TMEM200C: variants seen among roughly 807,000 people sequenced by gnomAD.
The protein encoded by TMEM200C is transmembrane protein 200C.
For missense variants in TMEM200C, 966 were observed against 699.9 expected (o/e 1.38, Z -4.29); for synonymous variants, 462 against 324.7 (o/e 1.42, Z -4.55).
chr18:5,892,624 T>C (rs573529617), intron 2 of TMEM200C, among the ~76,000 whole-genome samples: 2 of 152,272 alleles, frequency 1.3e-5, no homozygotes, highest in East Asian at 3.9e-4. Context: ...GTTTCAAGTC[T>C]CTCTAAGCTG....
In TMEM200C at chr18:5,891,608, G is replaced by C. The variant is rs371195075; in HGVS notation, c.456C>G (p.Phe152Leu). 2 of 1,613,778 alleles carry C rather than the reference G, an allele frequency of 1.2e-6. No individual in the cohort carries two copies. Among genetic ancestry groups the C allele is most frequent in the African/African-American group, 1.3e-5 (1 of 74,934 alleles). ...GCAGGTAGCCAGAGAAGATGCGGAA[G>C]AAGAAGCCCACGGACGTGGAGGAGG... The change falls in exon 3 of 3, where the codon TTC (phenylalanine) becomes TTG (leucine). Residue 152 changes from phenylalanine to leucine, a missense_variant. Phe to Leu is a conservative substitution (Grantham distance 22). Coordinates refer to ENST00000581347, the Ensembl canonical transcript of TMEM200C. The surrounding 1 kb of genome is among the most constrained non-coding windows in gnomAD (Gnocchi z 4.7).
At chr18:5,894,808 T>C (rs1355407914) in intron 2 of TMEM200C, among the ~76,000 whole-genome samples, 1 of 152,194 alleles carries the variant, frequency 6.6e-6, no homozygotes, top group Non-Finnish European at 1.5e-5. Context: ...AGTCCGCCTC[T>C]GGAAAGAAGA....
At chr18:5,890,873 C>T (rs1309061645) in exon 3 of TMEM200C, 2 of 682,676 alleles carry the variant, frequency 2.9e-6, no homozygotes, top group East Asian at 2.9e-5. Flanking sequence ...AGCTGCAGCT[C>T]GCGCCCTCCG....
chr18:5,895,688 G>A lies in TMEM200C; in HGVS notation c.-546+167C>T, dbSNP rs1426535861. On this transcript the variant is annotated intron_variant, in intron 1 of 2. Transcript: ENST00000581347. ...CCTTCGGAAGCGCCGATTCCTCGGG[G>A]AGGAGGAGGCGTGAGGGGAGGCGGC... Among the ~76,000 whole-genome samples, 3 of 150,346 alleles carry A rather than the reference G, an allele frequency of 2.0e-5. No individual in the cohort carries two copies. In the East Asian group the frequency reaches 6.0e-4, roughly 30 times the overall value.
chr18:5,890,823 G>A (rs984792587), exon 3 of TMEM200C: 2 of 674,322 alleles, frequency 3.0e-6, no homozygotes, highest in South Asian at 1.5e-5. Flanking sequence ...CTCGCCCCTC[G>A]GGATCTCCTG....
At chr18:5,893,892 A>C (rs1388377803) in intron 2 of TMEM200C, among the ~76,000 whole-genome samples, 5 of 151,520 alleles carry the variant, frequency 3.3e-5, no homozygotes, top group Non-Finnish European at 7.3e-5. Context: ...AAGCTGCACC[A>C]GTAAGTACAG....
Position 5,893,799 on chromosome 18 carries a change from T to C in TMEM200C, c.-95+1231A>G, listed in dbSNP as rs553998757. On this transcript the variant is annotated intron_variant, in intron 2 of 2. Transcript: ENST00000581347. ...CAATATTTGCAAATCAATATCTCTT[T>C]GGGACTTAGCTGGGTTTCAGTAAAG... 7.0e-4 allele frequency among the ~76,000 whole-genome samples: 107 copies of C among 152,212 alleles called. 2 individuals carry two copies. In the South Asian group the frequency reaches 0.022, roughly 31 times the overall value.
chr18:5,895,981 C>T (rs911162240), upstream of TMEM200C: 1 of 152,694 alleles, frequency 6.5e-6, no homozygotes, highest in Non-Finnish European at 1.5e-5. Flanking sequence ...GCCTCCCTCC[C>T]CTCGTGCCTC....
In TMEM200C at chr18:5,891,032, G is replaced by A. The variant is rs1188525733; in HGVS notation, c.1032C>T (p.Ala344=). 1.8e-6 allele frequency: 1 copy of A among 558,130 alleles called. No individual in the cohort carries two copies. Among genetic ancestry groups the A allele is most frequent in the Non-Finnish European group, 3.1e-6 (1 of 322,022 alleles). 34.6% of individuals were successfully genotyped at this position (558,130 alleles called of 1,614,324 possible). A position where few individuals can be genotyped will look rare whatever the true frequency, so the allele number is the denominator to read the frequency against. ...GACTGCTGCAGCTGCTAGCGGCTGC[G>A]GCGGCGGTGGCAGCGGCGGCCCGGC... The change falls in exon 3 of 3, where the codon GCC becomes GCT. Residue 344 remains alanine (A), a synonymous_variant. Transcript: ENST00000581347. The surrounding 1 kb of genome is among the most constrained non-coding windows in gnomAD (Gnocchi z 4.7).
At chr18:5,890,696 G>A in exon 3 of TMEM200C, 1 of 503,838 alleles carries the variant, frequency 2.0e-6, no homozygotes, top group Non-Finnish European at 3.2e-6. Flanking sequence ...TGGGCAGGCG[G>A]CCGCCCTGCC....
In TMEM200C at chr18:5,891,827, G is replaced by A; in HGVS notation, c.237C>T (p.Thr79=). The A allele has an allele frequency of 6.2e-7, 1 of 1,605,838 alleles. No homozygotes were observed. The highest frequency in any genetic ancestry group is 8.5e-7 in the Non-Finnish European group (1 of 1,178,068). Residue 79 remains threonine, a synonymous_variant, in exon 3 of 3, where the codon ACC becomes ACT. Transcript: ENST00000581347. This position sits in a 1 kb window ranked among gnomAD's most constrained non-coding sequence, Gnocchi z 4.7. ...GCTTACCCCCCTCCCGATTGGTCCC[G>A]GTGGCCTTGGGCCAGTAGCCCACCA...
chr18:5,890,916 G>C, exon 3 of TMEM200C: 1 of 680,328 alleles, frequency 1.5e-6, no homozygotes, highest in East Asian at 2.9e-5. Context: ...CCCTTGCAAG[G>C]GCAGCAGCGC....
At chr18:5,890,898 T>C (rs2095169976) in exon 3 of TMEM200C, 2 of 682,412 alleles carry the variant, frequency 2.9e-6, no homozygotes, top group African/African-American at 1.8e-5. Context: ...CCCGCCCCTA[T>C]CGCGGCCCCC....
chr18:5,889,553 G>A (rs1175653613), exon 3 of TMEM200C: 1 of 152,068 alleles, frequency 6.6e-6, no homozygotes, highest in African/African-American at 2.4e-5. Context: ...CTAGTTCCTG[G>A]TCCCCTCCAG....
At chr18:5,882,753 G>C (rs532911613) in exon 3 of TMEM200C, 1 of 151,978 alleles carries the variant, frequency 6.6e-6, no homozygotes, top group African/African-American at 2.4e-5. Context: ...TTTTAAAGTA[G>C]TAATCCCAAG....
chr18:5,886,798 A>C (rs2144435716), exon 3 of TMEM200C: 1 of 152,242 alleles, frequency 6.6e-6, no homozygotes, highest in Admixed American at 6.5e-5. Flanking sequence ...TAACCCCCTA[A>C]GTCACACTTT....
exon 3 of TMEM200C, chr18:5,890,816 G>C: frequency 1.5e-6 from 1 of 672,670 alleles, no homozygotes; most frequent in South Asian, 1.5e-5. Context: ...GGTCGAGCTC[G>C]CCCCTCGGGA....
rs749205901 is a variant in TMEM200C, at chr18:5,890,499, G to A, written c.1565C>T (p.Ser522Phe). ...TGGGTCATCCGACTGGGAGCTCCCG[G>A]AGTCCCGCCTGGTGGGGGGCGAGCC... Residue 522 changes from serine (S) to phenylalanine (F), a missense_variant, in exon 3 of 3, where the codon TCC becomes TTC. Transcript: ENST00000581347. 1.7e-5 allele frequency: 27 copies of A among 1,544,474 alleles called. No homozygotes were observed. In the South Asian group the frequency reaches 2.2e-4, roughly 12 times the overall value.
Position 5,884,108 on chromosome 18 carries a change from G to A in TMEM200C, c.*6090C>T, listed in dbSNP as rs578155454. 3.9e-5 allele frequency: 6 copies of A among 152,038 alleles called. No homozygotes were observed. The South Asian group carries it at 1.0e-3, about 26-fold the overall frequency. The allele number at this position is 152,038 out of a possible 1,614,324, so 9.4% of individuals were successfully genotyped here. ...GCCAAACCATCGTAATTTTAATTTCGAATATCCTTCTGCTACTTATAAAGG... is the reference window on the plus strand; with the variant it reads ...GCCAAACCATCGTAATTTTAATTTCAAATATCCTTCTGCTACTTATAAAGG... On this transcript the variant is annotated 3_prime_UTR_variant, in exon 3 of 3. Transcript: ENST00000581347.
Sources: allele counts gnomAD v4.1 joint callset (sites outside exome capture counted in the v4.1 genomes callset), GRCh38; gene constraint gnomAD v4.1.1; non-coding constraint Gnocchi (gnomAD v3.1); transcripts MANE v1.5; gene names NCBI Gene and HGNC (gene_info 2026-07-23, HGNC 2026-07-21).